The following ZNF519 variants were observed in gnomAD, a reference collection of about 807,000 sequenced individuals.
The protein encoded by ZNF519 is zinc finger protein 519, also known as similar to Zinc finger protein 85 (Zinc finger protein HPF4) (HTF1).
In ZNF519, 7 loss-of-function variants were observed where a neutral mutation model predicts 7.4. That is an observed-to-expected ratio of 0.94 (90% confidence interval 0.54 to 1.77). The LOEUF (loss-of-function observed/expected upper bound fraction) is 1.77. ZNF519 is among the 40% of genes most tolerant of loss of function. The pLI is 0.00. For synonymous variants in ZNF519, 179 were observed against 203.3 expected, an observed-to-expected ratio of 0.88 and a Z score of 1.02; for missense variants, 586 against 623.1, an observed-to-expected ratio of 0.94 and a Z score of 0.63.
intron 2 of ZNF519, among the ~76,000 whole-genome samples, chr18:14,087,140 T>C (rs2046094175): frequency 6.6e-6 from 1 of 152,106 alleles, no homozygotes; most frequent in Non-Finnish European, 1.5e-5. Context: ...ACAAAAACCA[T>C]ACGCTCATCT....
At chr18:14,083,896 C>A (rs962888434) in intron 3 of ZNF519, among the ~76,000 whole-genome samples, 20 of 152,292 alleles carry the variant, frequency 1.3e-4, no homozygotes, top group African/African-American at 4.3e-4. Flanking sequence ...GCAGACAATG[C>A]ATCCGATGTG....
intron 2 of ZNF519, among the ~76,000 whole-genome samples, chr18:14,118,930 C>A (rs929703923): frequency 6.6e-6 from 1 of 152,092 alleles, no homozygotes; most frequent in Non-Finnish European, 1.5e-5. Flanking sequence ...TTCAAGGTAG[C>A]TAGTAGAAGA....
chr18:14,097,843 A>G (rs2046143293), downstream of ZNF519, among the ~76,000 whole-genome samples: 1 of 152,180 alleles, frequency 6.6e-6, no homozygotes, highest in Non-Finnish European at 1.5e-5. Flanking sequence ...GTGTATATGT[A>G]TGTTTATATT....
intron 1 of ZNF519, among the ~76,000 whole-genome samples, chr18:14,127,986 C>T (rs1271299204): frequency 1.3e-5 from 2 of 151,640 alleles, no homozygotes; most frequent in Admixed American, 1.3e-4. Flanking sequence ...AACCCATTTC[C>T]GACCCTAAAA....
chr18:14,074,401 CTT>C (rs1484680430), downstream of ZNF519: 1 of 152,404 alleles, frequency 6.6e-6, no homozygotes, highest in Non-Finnish European at 1.5e-5. Flanking sequence ...TGGAGCCCTC[CTT>C]TTCTGCTCCA....
At chr18:14,121,293 A>G (rs1334014609) in intron 2 of ZNF519, among the ~76,000 whole-genome samples, 1 of 152,124 alleles carries the variant, frequency 6.6e-6, no homozygotes, top group African/African-American at 2.4e-5. Flanking sequence ...TATAGTAAGT[A>G]ATACTGTAAC....
At chr18:14,132,060 A>T (rs2046333259) in intron 1 of ZNF519, among the ~76,000 whole-genome samples, 1 of 152,106 alleles carries the variant, frequency 6.6e-6, no homozygotes, top group African/African-American at 2.4e-5. Flanking sequence ...GGGAAGATGC[A>T]GGGCTGCGGG....
intron 3 of ZNF519, among the ~76,000 whole-genome samples, chr18:14,078,487 G>A (rs2046057500): frequency 6.6e-6 from 1 of 152,128 alleles, no homozygotes; most frequent in African/African-American, 2.4e-5. Context: ...AATGTACCAT[G>A]TTCATATGAT....
chr18:14,126,329 A>G (rs1264185687), intron 1 of ZNF519, among the ~76,000 whole-genome samples: 1 of 152,244 alleles, frequency 6.6e-6, no homozygotes. Context: ...GTAACATACG[A>G]TAAGAAGGAA....
chr18:14,114,338 T>C (rs2046236120), intron 2 of ZNF519, among the ~76,000 whole-genome samples: 1 of 152,186 alleles, frequency 6.6e-6, no homozygotes, highest in Non-Finnish European at 1.5e-5. Flanking sequence ...AGGGGTCTAG[T>C]TTCATTCTTC....
At chr18:14,128,996 T>A (rs2046316272) in intron 1 of ZNF519, among the ~76,000 whole-genome samples, 1 of 152,034 alleles carries the variant, frequency 6.6e-6, no homozygotes. Context: ...TGTGTACACA[T>A]GAAAGAGGAT....
chr18:14,132,311 T>G lies in ZNF519; in HGVS notation c.-34A>C, dbSNP rs1240816193. 6.2e-7 allele frequency: 1 copy of G among 1,612,862 alleles called. No individual in the cohort carries two copies. The highest frequency in any genetic ancestry group is 1.3e-5 in the African/African-American group (1 of 74,790). On this transcript the variant is annotated 5_prime_UTR_variant, in exon 1 of 3. Coordinates refer to ENST00000590202, the MANE Select transcript of ZNF519 (RefSeq NM_145287.4). ...TTCAGGGGTGTCCTGGAGTCTTAGC[T>G]ATAAATCATTCAATGCCAGCAGGTC...
chr18:14,106,311 C>T lies in ZNF519; in HGVS notation c.229G>A (p.Glu77Lys). Residue 77 changes from glutamate to lysine, a missense_variant, in exon 3 of 3, where the codon GAA becomes AAA. Glu to Lys is a moderately conservative substitution (Grantham distance 56). Coordinates refer to ENST00000590202, the MANE Select transcript of ZNF519 (RefSeq NM_145287.4). ...CAGTTTTTCCATAAGCATATATTTTCAAGGCCACAGCTCCCATATCTTCCC... is the reference window on the plus strand; with the variant it reads ...CAGTTTTTCCATAAGCATATATTTTTAAGGCCACAGCTCCCATATCTTCCC... ...TLGRYGSCGL[E>K]NICLWKNWES... 2.5e-6 allele frequency: 4 copies of T among 1,613,226 alleles called. No homozygotes were observed. Among genetic ancestry groups the T allele is most frequent in the Non-Finnish European group, 3.4e-6 (4 of 1,179,862 alleles).
intron 3 of ZNF519, among the ~76,000 whole-genome samples, chr18:14,080,461 A>G (rs1027916604): frequency 2.6e-5 from 4 of 151,800 alleles, no homozygotes; most frequent in African/African-American, 9.7e-5. Flanking sequence ...AGCTGGAACT[A>G]CAGGCACACG....
chr18:14,110,777 A>T (rs1300409968), intron 2 of ZNF519, among the ~76,000 whole-genome samples: 2 of 152,240 alleles, frequency 1.3e-5, no homozygotes, highest in African/African-American at 2.4e-5. Context: ...CTATTATTCT[A>T]AGTGAAGTAA....
At chr18:14,098,728 G>GTTCACAAGT (rs971295914), downstream of ZNF519, among the ~76,000 whole-genome samples, 21 of 152,270 alleles carry the variant, frequency 1.4e-4, no homozygotes, top group African/African-American at 3.9e-4. Flanking sequence ...GGTTCACAAG[G>GTTCACAAGT]TTCACAACAG....
At chr18:14,125,895 A>G (rs538802021) in intron 1 of ZNF519, among the ~76,000 whole-genome samples, 1 of 152,286 alleles carries the variant, frequency 6.6e-6, no homozygotes, top group East Asian at 1.9e-4. Context: ...CATGTTGGCC[A>G]GGCTGGTCTT....
chr18:14,121,312 A>G (rs1285550593), intron 2 of ZNF519, among the ~76,000 whole-genome samples: 1 of 152,098 alleles, frequency 6.6e-6, no homozygotes, highest in African/African-American at 2.4e-5. Flanking sequence ...ACATATGCTT[A>G]AAATTTGCCA....
chr18:14,075,117 C>A (rs949463665), downstream of ZNF519: 3 of 152,126 alleles, frequency 2.0e-5, no homozygotes, highest in Non-Finnish European at 2.9e-5. Flanking sequence ...GACTCATTCA[C>A]CATCCCGAGA....
Sources: allele counts gnomAD v4.1 joint callset (sites outside exome capture counted in the v4.1 genomes callset), GRCh38; gene constraint gnomAD v4.1.1; transcripts MANE v1.5; gene names NCBI Gene and HGNC (gene_info 2026-07-23, HGNC 2026-07-21).